The following UNC79 variants were observed in gnomAD, a reference collection of about 807,000 sequenced individuals.
The protein encoded by UNC79 is protein unc-79 homolog.
Under a neutral mutation model 283.1 loss-of-function variants are expected in UNC79, and 37 were observed. The ratio of observed to expected loss-of-function variants is 0.13; its 90% CI spans 0.10 to 0.17. The LOEUF (loss-of-function observed/expected upper bound fraction) is 0.17. Among genes scored for constraint, UNC79 ranks in the 10% least tolerant of loss-of-function variants. The pLI is 1.00. For missense variants in UNC79, 2,272 were observed against 3,211.1 expected, an observed-to-expected ratio of 0.71 and a Z score of 7.07; for synonymous variants, 1,107 against 1,200.2, an observed-to-expected ratio of 0.92 and a Z score of 1.61.
At chr14:93,477,077 G>A (rs1383322569) in intron 3 of UNC79, among the ~76,000 whole-genome samples, 1 of 152,144 alleles carries the variant, frequency 6.6e-6, no homozygotes, top group Admixed American at 6.6e-5. Flanking sequence ...CCAGCTTACG[G>A]CTTCCCTTGT....
chr14:93,423,186 A>G (rs1327585810), intron 1 of UNC79, among the ~76,000 whole-genome samples: 1 of 152,080 alleles, frequency 6.6e-6, no homozygotes, highest in Non-Finnish European at 1.5e-5. Flanking sequence ...AAAGATCTCT[A>G]CACTGAAACT....
At chr14:93,683,288 C>G (rs778468731) in intron 42 of UNC79, among the ~76,000 whole-genome samples, 1 of 152,118 alleles carries the variant, frequency 6.6e-6, no homozygotes, top group Non-Finnish European at 1.5e-5. Context: ...CGTGCATACT[C>G]GGGGATCAGG....
intron 1 of UNC79, among the ~76,000 whole-genome samples, chr14:93,341,604 CAAAAAAAA>C (rs952789518): frequency 1.6e-5 from 1 of 62,712 alleles, no homozygotes; most frequent in Non-Finnish European, 4.0e-5. Context: ...TCTGTCTCTA[CAAAAAAAA>C]AAAAAAAAAA....
chr14:93,649,226 G>A lies in UNC79; in HGVS notation c.6083+2580G>A, dbSNP rs143791485. Among the ~76,000 whole-genome samples the A allele has an allele frequency of 3.5e-3, 535 of 152,116 alleles. 8 individuals carry two copies. The highest frequency in any genetic ancestry group is 0.012 in the African/African-American group (517 of 41,512). On this transcript the variant is annotated intron_variant, in intron 35 of 48. Transcript: ENST00000555664. ...ATAAGATGATATTATTGTTGACATC[G>A]CATTTCTATAATTTATTTTAGGGAT...
intron 7 of UNC79, among the ~76,000 whole-genome samples, chr14:93,523,477 T>G (rs1281975224): frequency 6.6e-6 from 1 of 152,164 alleles, no homozygotes; most frequent in Admixed American, 6.5e-5. Flanking sequence ...TTTAAAACGC[T>G]TACTGGTGCC....
rs549813682 is a variant in UNC79, at chr14:93,661,542, A to G, written c.6526-1062A>G. ...AAAATCCTATCTTCTCTGCAGAGCA[A>G]TTCTACCTCTGGAAAATTGCCCTGG... On this transcript the variant is annotated intron_variant, in intron 39 of 48. Coordinates refer to ENST00000555664, the Ensembl canonical transcript of UNC79. Among the ~76,000 whole-genome samples, 10 of 152,310 alleles carry G rather than the reference A, an allele frequency of 6.6e-5. No homozygotes were observed. The South Asian group carries it at 1.9e-3, about 28-fold the overall frequency.
intron 27 of UNC79, among the ~76,000 whole-genome samples, chr14:93,615,216 T>A (rs1027522614): frequency 1.3e-5 from 2 of 152,154 alleles, no homozygotes; most frequent in Non-Finnish European, 2.9e-5. Flanking sequence ...AATAGATGAT[T>A]GCTGTTATTG....
downstream of UNC79, chr14:93,707,066 T>C (rs2075924448): frequency 1.3e-6 from 1 of 763,488 alleles, no homozygotes; most frequent in African/African-American, 1.7e-5. Context: ...AAAATGAAGC[T>C]TTCTTGCTAC....
intron 38 of UNC79, among the ~76,000 whole-genome samples, chr14:93,657,564 G>A (rs548732242): frequency 6.6e-6 from 1 of 152,182 alleles, no homozygotes; most frequent in Admixed American, 6.5e-5. Flanking sequence ...TGTTAGCCAG[G>A]ATGGTCTTAA....
At chr14:93,496,263 A>G (rs186911440) in intron 5 of UNC79, 148 bp from the exon 6 acceptor site, 139 of 495,354 alleles carry the variant, frequency 2.8e-4, no homozygotes, top group African/African-American at 2.5e-3. Flanking sequence ...GATATTTTTT[A>G]AGTATGAATA....
At chr14:93,369,473 G>A (rs2054400018) in intron 1 of UNC79, among the ~76,000 whole-genome samples, 1 of 152,218 alleles carries the variant, frequency 6.6e-6, no homozygotes, top group Non-Finnish European at 1.5e-5. Flanking sequence ...AGGAAGCAGA[G>A]CACACTGCTG....
intron 1 of UNC79, among the ~76,000 whole-genome samples, chr14:93,335,481 T>G (rs1209841831): frequency 6.6e-6 from 1 of 152,230 alleles, no homozygotes; most frequent in Non-Finnish European, 1.5e-5. Context: ...GTGAAAAACA[T>G]TTTTTTAAGG....
intron 42 of UNC79, among the ~76,000 whole-genome samples, chr14:93,683,743 A>G (rs2074026063): frequency 6.6e-6 from 1 of 152,124 alleles, no homozygotes; most frequent in African/African-American, 2.4e-5. Flanking sequence ...TAAACCTTTT[A>G]CTCTGATAGC....
chr14:93,544,210 G>A (rs775945030), intron 14 of UNC79, among the ~76,000 whole-genome samples: 1 of 152,214 alleles, frequency 6.6e-6, no homozygotes, highest in Non-Finnish European at 1.5e-5. Context: ...TTTAACTGGA[G>A]AGAAGACAAA....
chr14:93,644,446 G>A (rs1476932115), intron 34 of UNC79, among the ~76,000 whole-genome samples: 2 of 152,170 alleles, frequency 1.3e-5, no homozygotes, highest in Non-Finnish European at 2.9e-5. Context: ...AGTGCCAGGT[G>A]CTTTAGGCTG....
chr14:93,435,102 A>G (rs2056033687), intron 1 of UNC79, among the ~76,000 whole-genome samples: 1 of 152,214 alleles, frequency 6.6e-6, no homozygotes, highest in South Asian at 2.1e-4. Flanking sequence ...CTAAAATAGA[A>G]AAGTACTTCT....
At chr14:93,653,713 C>G in intron 35 of UNC79, 29 bp from the exon 39 acceptor site, 1 of 1,593,902 alleles carries the variant, frequency 6.3e-7, no homozygotes, top group Non-Finnish European at 8.6e-7. Flanking sequence ...CCCATGACTT[C>G]GTGTCTTTTC....
rs543049896 is a variant in UNC79 at position 93,334,064 on chromosome 14, T to TTTG, written c.-351+553_-351+555dup. ...TAACAAGTTTTGTGTCACACAGTTTTTTGTTGTTGTTGTTCTGAAACCACC... is the reference window on the plus strand; with the variant it reads ...TAACAAGTTTTGTGTCACACAGTTTTTTGTTGTTGTTGTTGTTCTGAAACCACC... On this transcript the variant is annotated intron_variant, in intron 1 of 49. Transcript: ENST00000256339. Among the ~76,000 whole-genome samples, 348 of 152,382 alleles carry TTTG rather than the reference T, an allele frequency of 2.3e-3. 1 individual carries two copies. Among genetic ancestry groups the TTTG allele is most frequent in the African/African-American group, 8.0e-3 (331 of 41,590 alleles).
At chr14:93,664,612 A>G (rs557118680) in intron 40 of UNC79, among the ~76,000 whole-genome samples, 1 of 152,298 alleles carries the variant, frequency 6.6e-6, no homozygotes, top group East Asian at 1.9e-4. Context: ...ATACATTCTT[A>G]TATAGAGGTG....
Sources: allele counts gnomAD v4.1 joint callset (sites outside exome capture counted in the v4.1 genomes callset), GRCh38; gene constraint gnomAD v4.1.1; transcripts MANE v1.5; gene names NCBI Gene and HGNC (gene_info 2026-07-23, HGNC 2026-07-21).